COL14A1: variants seen among roughly 807,000 people sequenced by gnomAD.
The protein encoded by COL14A1 is collagen alpha-1(XIV) chain.
Under a neutral mutation model 230.3 loss-of-function variants are expected in COL14A1, and 136 were observed. The observed-to-expected ratio is 0.59, with a 90% CI of 0.51 to 0.68. The LOEUF (loss-of-function observed/expected upper bound fraction) is 0.68, where lower values mean the gene tolerates loss of function less well. Ranked by LOEUF, COL14A1 falls within the 30% of genes least tolerant of loss-of-function variation. The pLI is 0.00. For missense variants in COL14A1, 1,976 were observed against 2,215.8 expected, an observed-to-expected ratio of 0.89 and a Z score of 2.17; for synonymous variants, 792 against 784.1, an observed-to-expected ratio of 1.01 and a Z score of -0.17.
In COL14A1 at chr8:120,290,636, T is replaced by C. The variant is rs566008732; in HGVS notation, c.4236+870T>C. Among the ~76,000 whole-genome samples, 469 of 152,330 alleles carry C rather than the reference T, an allele frequency of 3.1e-3. 3 individuals carry two copies. Among genetic ancestry groups the C allele is most frequent in the African/African-American group, 0.01 (429 of 41,578 alleles). On this transcript the variant is annotated intron_variant, in intron 34 of 47. Transcript: ENST00000297848. ...CCAGTTATACAAGAGCTGGTAGTTC[T>C]CCAAGACTTTTAAAGCTGAAGATCA... is the stretch of plus-strand genomic sequence containing the variant.
chr8:120,174,168 G>A (rs531959916), intron 5 of COL14A1, among the ~76,000 whole-genome samples: 4 of 151,838 alleles, frequency 2.6e-5, no homozygotes, highest in South Asian at 2.1e-4. Flanking sequence ...GTTAGTTTCC[G>A]TCTTATCCTT....
chr8:120,188,670 A>G (rs951598811), intron 5 of COL14A1, among the ~76,000 whole-genome samples: 2 of 152,236 alleles, frequency 1.3e-5, no homozygotes, highest in Non-Finnish European at 2.9e-5. Context: ...GGTAAGACCC[A>G]TGTAAAGTTA....
chr8:120,257,654 A>T (rs549466689), intron 23 of COL14A1, among the ~76,000 whole-genome samples: 5 of 152,212 alleles, frequency 3.3e-5, no homozygotes, highest in Non-Finnish European at 7.3e-5. Context: ...GATGAGTCTC[A>T]GACCCTCAGG....
intron 35 of COL14A1, among the ~76,000 whole-genome samples, chr8:120,299,841 A>G (rs537275807): frequency 8.5e-5 from 13 of 152,176 alleles, no homozygotes; most frequent in South Asian, 2.1e-4. Context: ...ATTATTTTCA[A>G]TTTGGCAATT....
chr8:120,259,103 C>T (rs1381973864), intron 23 of COL14A1, among the ~76,000 whole-genome samples: 1 of 152,096 alleles, frequency 6.6e-6, no homozygotes, highest in Non-Finnish European at 1.5e-5. Flanking sequence ...GGAGAGCCTA[C>T]CTTACCAAAG....
chr8:120,137,780 AT>A (rs1284641724), intron 1 of COL14A1, among the ~76,000 whole-genome samples: 30 of 150,216 alleles, frequency 2.0e-4, no homozygotes, highest in African/African-American at 4.9e-4. Flanking sequence ...ATTATTATTC[AT>A]TTTTTTTTAA....
At chr8:120,160,704 A>G (rs1815634182) in intron 3 of COL14A1, among the ~76,000 whole-genome samples, 1 of 152,236 alleles carries the variant, frequency 6.6e-6, no homozygotes, top group Admixed American at 6.5e-5. Flanking sequence ...TAATAAATAC[A>G]TTTAGCTGCA....
chr8:120,186,784 C>T (rs1816667860), intron 5 of COL14A1, among the ~76,000 whole-genome samples: 1 of 152,152 alleles, frequency 6.6e-6, no homozygotes, highest in African/African-American at 2.4e-5. Flanking sequence ...TTTAACAACA[C>T]AATTCAATTT....
rs577283110 is a variant in COL14A1 at position 120,126,175 on chromosome 8, C to T, written c.-38+835C>T. 1.7e-3 allele frequency among the ~76,000 whole-genome samples: 253 copies of T among 152,334 alleles called. 2 individuals carry two copies. The highest frequency in any genetic ancestry group is 5.7e-3 in the African/African-American group (237 of 41,588). On this transcript the variant is annotated intron_variant, in intron 1 of 47. Coordinates refer to ENST00000297848, the MANE Select transcript of COL14A1 (RefSeq NM_021110.4). Reference sequence around the variant, plus strand: ...GGCCTCCTATTACACAGCGCCTGGGCGGATAGGCATCCGGGGCAGCTGGGC... The same window carrying T: ...GGCCTCCTATTACACAGCGCCTGGGTGGATAGGCATCCGGGGCAGCTGGGC...
At chr8:120,342,523 G>A (rs951289934) in intron 44 of COL14A1, 77 bp downstream of exon 44, 11 of 1,365,338 alleles carry the variant, frequency 8.1e-6, no homozygotes, top group East Asian at 6.9e-5. Context: ...TCCCATGAGC[G>A]TACCACTAAG....
intron 34 of COL14A1, among the ~76,000 whole-genome samples, chr8:120,290,692 A>G (rs1250217979): frequency 3.3e-5 from 5 of 152,234 alleles, no homozygotes; most frequent in African/African-American, 9.6e-5. Flanking sequence ...ATACTATGTC[A>G]AATAAATAAA....
chr8:120,152,564 C>A (rs1450163791), intron 2 of COL14A1, among the ~76,000 whole-genome samples: 4 of 151,686 alleles, frequency 2.6e-5, no homozygotes, highest in Admixed American at 2.0e-4. Context: ...TTTAGTCTCT[C>A]CATGGAATAT....
At chr8:120,305,511 A>C (rs1054971771) in intron 36 of COL14A1, among the ~76,000 whole-genome samples, 4 of 152,142 alleles carry the variant, frequency 2.6e-5, no homozygotes, top group African/African-American at 9.7e-5. Flanking sequence ...TATTTGCGAC[A>C]TTTCATTGTC....
At chr8:120,207,148 A>G (rs1817462929) in intron 10 of COL14A1, 54 bp downstream of exon 10, 1 of 1,447,974 alleles carries the variant, frequency 6.9e-7, no homozygotes, top group South Asian at 1.3e-5. Flanking sequence ...CAAGTCTTCT[A>G]CAATAGTGAG....
At chr8:120,278,047 T>G in intron 26 of COL14A1, 64 bp from the exon 27 acceptor site, 2 of 1,397,944 alleles carry the variant, frequency 1.4e-6, no homozygotes, top group Non-Finnish European at 9.5e-7. Context: ...GACACTGTGC[T>G]GTTGCTCTCT....
chr8:120,315,738 A>C, intron 39 of COL14A1, 152 bp downstream of exon 39: 1 of 794,400 alleles, frequency 1.3e-6, no homozygotes, highest in South Asian at 1.7e-5. Flanking sequence ...GCCCCTTTTG[A>C]GAGTCACACT....
intron 2 of COL14A1, among the ~76,000 whole-genome samples, chr8:120,150,537 C>T (rs1298136662): frequency 6.6e-6 from 1 of 152,132 alleles, no homozygotes; most frequent in Non-Finnish European, 1.5e-5. Context: ...TAGGGTCTTT[C>T]ATCTTGACCC....
chr8:120,156,091 A>T (rs1815468436), intron 2 of COL14A1, among the ~76,000 whole-genome samples: 1 of 152,166 alleles, frequency 6.6e-6, no homozygotes, highest in African/African-American at 2.4e-5. Context: ...TACTGATTTC[A>T]GATGCTTTCA....
At chr8:120,167,345 CATGAA>C (rs3030318) in intron 4 of COL14A1, among the ~76,000 whole-genome samples, 49,142 of 151,772 alleles carry the variant, frequency 0.32, 8,674 homozygotes, top group Admixed American at 0.47. Context: ...TGCTGATTTC[CATGAA>C]ATGAATGTAG....
Sources: allele counts gnomAD v4.1 joint callset (sites outside exome capture counted in the v4.1 genomes callset), GRCh38; gene constraint gnomAD v4.1.1; transcripts MANE v1.5; gene names NCBI Gene and HGNC (gene_info 2026-07-23, HGNC 2026-07-21).